LAMA1: variants seen among roughly 807,000 people sequenced by gnomAD.
LAMA1 encodes laminin subunit alpha-1.
Under a neutral mutation model 348.7 loss-of-function variants are expected in LAMA1, and 219 were observed. The ratio of observed to expected loss-of-function variants is 0.63; its 90% CI spans 0.56 to 0.70. LAMA1 has a LOEUF of 0.70. LAMA1 is among the 30% of genes least tolerant of loss of function. The pLI is 0.00. For synonymous variants in LAMA1, 1,487 were observed against 1,491.0 expected, an observed-to-expected ratio of 1.00 and a Z score of 0.06; for missense variants, 3,744 against 3,888.0, an observed-to-expected ratio of 0.96 and a Z score of 0.99.
At chr18:7,045,314 C>CA (rs1216957325) in intron 6 of LAMA1, among the ~76,000 whole-genome samples, 4 of 151,810 alleles carry the variant, frequency 2.6e-5, no homozygotes, top group Admixed American at 6.6e-5. Context: ...ACTAAAAATA[C>CA]AAAAAATTAG....
rs771092810 is a variant in LAMA1 at position 6,977,807 on chromosome 18, TCAAAGGCTTCAACCGATCAAA to T, written c.6244_6264del (p.Phe2082_Leu2088del). 1 of 1,614,184 alleles carries T rather than the reference TCAAAGGCTTCAACCGATCAAA, an allele frequency of 6.2e-7. No homozygotes were observed. Among genetic ancestry groups the T allele is most frequent in the Non-Finnish European group, 8.5e-7 (1 of 1,180,040 alleles). ...CTGCTCAGATTCTCCTCTAACATCT[TCAAAGGCTTCAACCGATCAAA>T]CAAAAGGTTGGCTTGAATTTCCACG... On this transcript the variant is annotated inframe_deletion, in exon 44 of 63. Transcript: ENST00000389658.
At chr18:7,085,719 A>T (rs74254619) in intron 1 of LAMA1, among the ~76,000 whole-genome samples, 12 of 152,120 alleles carry the variant, frequency 7.9e-5, no homozygotes, top group African/African-American at 2.7e-4. Flanking sequence ...CTCCTGGCCT[A>T]TTTTACCCTT....
At chr18:6,989,944 G>A (rs2057751449) in intron 36 of LAMA1, among the ~76,000 whole-genome samples, 1 of 152,174 alleles carries the variant, frequency 6.6e-6, no homozygotes, top group Non-Finnish European at 1.5e-5. Flanking sequence ...GAGTTCATGG[G>A]ACACTAGTGT....
intron 16 of LAMA1, among the ~76,000 whole-genome samples, chr18:7,026,560 T>C (rs2057944418): frequency 6.6e-6 from 1 of 152,138 alleles, no homozygotes; most frequent in South Asian, 2.1e-4. Context: ...AGAATTAATA[T>C]CACCAGTGAG....
intron 51 of LAMA1, 87 bp downstream of exon 51, chr18:6,964,575 C>T: frequency 2.0e-6 from 3 of 1,508,208 alleles, no homozygotes; most frequent in Non-Finnish European, 2.8e-6. Context: ...GTTTAAGCCA[C>T]CTGGTTTGTG....
At chr18:7,101,865 G>C (rs1438075942) in intron 1 of LAMA1, among the ~76,000 whole-genome samples, 1 of 139,812 alleles carries the variant, frequency 7.2e-6, no homozygotes, top group Non-Finnish European at 1.5e-5. Context: ...TTGTAGAGCT[G>C]GGGGGGTCTC....
At chr18:7,002,907 G>A (rs2057814473) in intron 29 of LAMA1, among the ~76,000 whole-genome samples, 3 of 151,272 alleles carry the variant, frequency 2.0e-5, no homozygotes, top group African/African-American at 7.3e-5. Context: ...TAAGGACGAG[G>A]TCTCCCTGTG....
intron 46 of LAMA1, among the ~76,000 whole-genome samples, chr18:6,973,654 C>T (rs1256114255): frequency 6.6e-6 from 1 of 152,166 alleles, no homozygotes; most frequent in Non-Finnish European, 1.5e-5. Context: ...ATTTTCTGTC[C>T]TTGACTTAAG....
In LAMA1 at chr18:6,986,681, G is replaced by C. The variant is rs900702279; in HGVS notation, c.5169-334C>G. On this transcript the variant is annotated intron_variant, in intron 36 of 62. Coordinates refer to ENST00000389658, the MANE Select transcript of LAMA1 (RefSeq NM_005559.4). ...GTTTGCTGAAATTTACAGGCACGGT[G>C]ATCTTTCATCTCATGTGTATTTCAA... Among the ~76,000 whole-genome samples the C allele has an allele frequency of 3.9e-5, 6 of 152,166 alleles. No homozygotes were observed. In the East Asian group the frequency reaches 1.2e-3, roughly 29 times the overall value.
intron 3 of LAMA1, among the ~76,000 whole-genome samples, chr18:7,071,459 ATGAT>A (rs1249706270): frequency 2.0e-5 from 3 of 152,246 alleles, no homozygotes; most frequent in Admixed American, 6.5e-5. Context: ...AACCTCAAAC[ATGAT>A]TGATACTCAC....
rs1471102366 is a variant in LAMA1, at chr18:6,942,220, G to T, written c.9087C>A (p.Cys3029Ter). The T allele has an allele frequency of 1.9e-5, 31 of 1,613,936 alleles. No homozygotes were observed. The highest frequency in any genetic ancestry group is 2.5e-5 in the Non-Finnish European group (29 of 1,180,052). The change falls in exon 63 of 63, where the codon TGC (cysteine) becomes TGA (stop). Residue 3029 changes from cysteine to a stop codon, truncating the protein, a stop_gained. Coordinates refer to ENST00000389658, the MANE Select transcript of LAMA1 (RefSeq NM_005559.4). LOFTEE classifies it low-confidence loss of function (END_TRUNC). ...GGYPAGVKQK[C>*]LRSQTSFRGC... is the part of the protein sequence containing the mutation. The stretch of plus-strand genomic sequence containing the variant: ...CGCGGAACGAGGTCTGGCTGCGCAG[G>T]CATTTTTGCTTCACACCAGCTGTTC...
At chr18:6,989,202 G>A (rs530194635) in intron 36 of LAMA1, among the ~76,000 whole-genome samples, 1 of 152,296 alleles carries the variant, frequency 6.6e-6, no homozygotes, top group Non-Finnish European at 1.5e-5. Context: ...TTTTCTTGCT[G>A]GGGGAGGAGT....
intron 1 of LAMA1, among the ~76,000 whole-genome samples, chr18:7,112,516 G>T (rs1242637425): frequency 6.6e-6 from 1 of 151,870 alleles, no homozygotes; most frequent in Non-Finnish European, 1.5e-5. Flanking sequence ...TCAAAAGAGA[G>T]TAAAAAAGCC....
chr18:7,092,413 C>A (rs1227935537), intron 1 of LAMA1, among the ~76,000 whole-genome samples: 1 of 152,086 alleles, frequency 6.6e-6, no homozygotes, highest in East Asian at 1.9e-4. Flanking sequence ...ATCACGAGGT[C>A]AGGAGATCGA....
At position 6,984,399 on chromosome 18, in the gene LAMA1, A is replaced by T. The variant is rs191299851; in HGVS notation, c.5660+838T>A. Among the ~76,000 whole-genome samples, 373 of 152,360 alleles carry T rather than the reference A, an allele frequency of 2.4e-3. 5 individuals are homozygous for T. Among genetic ancestry groups the T allele is most frequent in the African/African-American group, 8.4e-3 (349 of 41,584 alleles). ...TAGCAAATTTTAAAGAAAGAAATTT[A>T]CCAATTAACTCACAGTATTATGTAA... On this transcript the variant is annotated intron_variant, in intron 39 of 62. Coordinates refer to ENST00000389658, the MANE Select transcript of LAMA1 (RefSeq NM_005559.4).
intron 16 of LAMA1, among the ~76,000 whole-genome samples, chr18:7,029,154 A>C (rs2057957441): frequency 6.6e-6 from 1 of 152,160 alleles, no homozygotes; most frequent in African/African-American, 2.4e-5. Flanking sequence ...AGAGCATCTA[A>C]ACTGGAATAT....
intron 17 of LAMA1, among the ~76,000 whole-genome samples, chr18:7,025,411 C>T (rs1038352452): frequency 6.6e-6 from 1 of 152,210 alleles, no homozygotes; most frequent in African/African-American, 2.4e-5. Context: ...GCTCTCCCTC[C>T]TCCCCACCAT....
chr18:6,957,569 T>G (rs116759542), intron 55 of LAMA1: 3 of 152,266 alleles, frequency 2.0e-5, no homozygotes, highest in Non-Finnish European at 4.4e-5. Context: ...GACAAGTCAG[T>G]GACCCAGCCA....
intron 19 of LAMA1, among the ~76,000 whole-genome samples, chr18:7,018,419 G>C (rs542042442): frequency 9.1e-5 from 13 of 142,176 alleles, no homozygotes; most frequent in African/African-American, 2.9e-4. Context: ...TTTTTGAGAC[G>C]GAGTGTCACT....
Sources: gnomAD v4.1 joint callset for allele counts (sites outside exome capture counted in the v4.1 genomes callset) on GRCh38, gnomAD v4.1.1 for gene constraint, MANE v1.5 for transcripts, NCBI Gene and HGNC (gene_info 2026-07-23, HGNC 2026-07-21) for gene names.